POFUT4: variants seen among roughly 807,000 people sequenced by gnomAD.
POFUT4 encodes GDP-fucose protein O-fucosyltransferase 4.
the POFUT4 span, chr10:73,773,566 A>G: frequency 6.2e-7 from 1 of 1,614,124 alleles, no homozygotes. Flanking sequence ...ATCACCAACC[A>G]ATTTCTTCTG....
At chr10:73,772,378 G>C in the POFUT4 span, 1 of 1,555,620 alleles carries the variant, frequency 6.4e-7, no homozygotes, top group Non-Finnish European at 8.7e-7. Flanking sequence ...TTCTAGGGGT[G>C]CTCAGTGTCT....
the POFUT4 span, chr10:73,772,529 C>A: frequency 6.4e-7 from 1 of 1,564,416 alleles, no homozygotes; most frequent in South Asian, 1.2e-5. Context: ...TGGGACGCCG[C>A]GGCCAGGGAG....
At chr10:73,778,180 G>A in the POFUT4 span, among the ~76,000 whole-genome samples, 138 of 145,384 alleles carry the variant, frequency 9.5e-4, 5 homozygotes, top group South Asian at 0.031. Context: ...ACTTTTTGAT[G>A]GAGCCCACTC....
chr10:73,773,692 C>T, the POFUT4 span: 7 of 1,614,226 alleles, frequency 4.3e-6, no homozygotes, highest in South Asian at 1.1e-5. Context: ...GCCGAGAAAG[C>T]CCACGCGGCC....
the POFUT4 span, among the ~76,000 whole-genome samples, chr10:73,778,537 T>TACTC: frequency 6.6e-6 from 1 of 152,088 alleles, no homozygotes; most frequent in African/African-American, 2.4e-5. Context: ...ACCTTGGACC[T>TACTC]TAGGGCTACT....
the POFUT4 span, chr10:73,774,789 G>A: frequency 6.5e-6 from 1 of 154,820 alleles, no homozygotes; most frequent in African/African-American, 2.4e-5. Flanking sequence ...GTGGTACTGG[G>A]AAACAAGGCC....
At chr10:73,772,461 A>G in the POFUT4 span, 3 of 1,555,770 alleles carry the variant, frequency 1.9e-6, no homozygotes, top group East Asian at 4.8e-5. Flanking sequence ...GAACCGTGGG[A>G]TGGCGCGGTT....
the POFUT4 span, among the ~76,000 whole-genome samples, chr10:73,777,507 A>G: frequency 6.6e-6 from 1 of 152,010 alleles, no homozygotes; most frequent in Non-Finnish European, 1.5e-5. Context: ...TTTAAGTGCA[A>G]TGAATAGTCC....
At chr10:73,772,345 C>T in the POFUT4 span, 2 of 1,459,046 alleles carry the variant, frequency 1.4e-6, no homozygotes, top group African/African-American at 1.5e-5. Context: ...TGGCGGCCGG[C>T]CCCATTAGGG....
the POFUT4 span, among the ~76,000 whole-genome samples, chr10:73,776,952 T>G: frequency 6.6e-6 from 1 of 152,228 alleles, no homozygotes; most frequent in African/African-American, 2.4e-5. Flanking sequence ...GTGCTGGGAT[T>G]ACAGGTGTCA....
At chr10:73,772,854 A>C in the POFUT4 span, 1 of 1,612,158 alleles carries the variant, frequency 6.2e-7, no homozygotes, top group Non-Finnish European at 8.5e-7. Flanking sequence ...TTCAGTCGCC[A>C]CTCGGATTAC....
chr10:73,777,382 A>T, the POFUT4 span, among the ~76,000 whole-genome samples: 1 of 151,662 alleles, frequency 6.6e-6, no homozygotes, highest in Admixed American at 6.6e-5. Flanking sequence ...TGCCTAATGA[A>T]GTGTTCCCTC....
At chr10:73,772,737 CG>C in the POFUT4 span, 2 of 1,597,724 alleles carry the variant, frequency 1.3e-6, no homozygotes, top group Non-Finnish European at 1.7e-6. Context: ...GCCCCGCTGC[CG>C]CGCCTGGCGC....
At chr10:73,776,679 C>T in the POFUT4 span, among the ~76,000 whole-genome samples, 1 of 152,142 alleles carries the variant, frequency 6.6e-6, no homozygotes, top group African/African-American at 2.4e-5. Context: ...GAGACACCGT[C>T]TCAAATTATA....
At chr10:73,773,031 G>A in the POFUT4 span, 5 of 1,574,056 alleles carry the variant, frequency 3.2e-6, no homozygotes, top group South Asian at 1.1e-5. Context: ...GAGCTCATGC[G>A]CCACATCCCG....
chr10:73,772,777 G>C, the POFUT4 span: 1 of 1,609,878 alleles, frequency 6.2e-7, no homozygotes, highest in Admixed American at 1.7e-5. Context: ...TCCACGAGGA[G>C]TCGCCCCTCA....
the POFUT4 span, among the ~76,000 whole-genome samples, chr10:73,778,391 C>CAA: frequency 2.2e-3 from 96 of 42,870 alleles, no homozygotes; most frequent in African/African-American, 3.2e-3. Context: ...AACTCCATCC[C>CAA]AAAAAAAAAA....
the POFUT4 span, chr10:73,772,703 G>A: frequency 3.3e-4 from 529 of 1,579,342 alleles, no homozygotes; most frequent in Non-Finnish European, 4.2e-4. Flanking sequence ...GCTCTTCTAC[G>A]GCACAGACTT....
At chr10:73,775,204 ACCCCTG>A in the POFUT4 span, 2 of 562,648 alleles carry the variant, frequency 3.6e-6, no homozygotes, top group South Asian at 4.8e-5. Context: ...TCATCTAAAG[ACCCCTG>A]CCCCCTTGCT....
Sources: allele counts gnomAD v4.1 joint callset (sites outside exome capture counted in the v4.1 genomes callset), GRCh38; gene constraint gnomAD v4.1.1; transcripts MANE v1.5; gene names NCBI Gene and HGNC (gene_info 2026-07-23, HGNC 2026-07-21).